RANBP2: variants seen among roughly 807,000 people sequenced by gnomAD.
RANBP2 encodes the protein RAN binding protein 2, also known as E3 SUMO-protein ligase RanBP2.
A neutral mutation model predicts 303.6 loss-of-function variants in RANBP2; 57 were observed. That is an observed-to-expected ratio of 0.19 (90% CI 0.15 to 0.23). The LOEUF (loss-of-function observed/expected upper bound fraction) is 0.23. RANBP2 is among the 10% of genes least tolerant of loss of function. RANBP2 has a pLI of 1.00. For synonymous variants in RANBP2, 1,167 were observed against 1,301.5 expected (o/e 0.90, Z 2.23); for missense variants, 3,138 against 3,780.8 (o/e 0.83, Z 4.46).
the RANBP2 span, among the ~76,000 whole-genome samples, chr2:108,919,097 G>T: frequency 6.6e-6 from 1 of 152,180 alleles, no homozygotes; most frequent in African/African-American, 2.4e-5. Context: ...AGGTCTGAGA[G>T]GCTCTGAGCC....
At chr2:108,804,912 C>A in the RANBP2 span, 1 of 1,558,124 alleles carries the variant, frequency 6.4e-7, no homozygotes, top group East Asian at 2.3e-5. Context: ...AAGTTGAACA[C>A]TTAACCGAAG....
Position 108,755,057 on chromosome 2 carries a change from T to C in RANBP2, c.2355T>C (p.Tyr785=), listed in dbSNP as rs560310411. 13 of 1,611,966 alleles carry C rather than the reference T, an allele frequency of 8.1e-6. No individual in the cohort carries two copies. Among genetic ancestry groups the C allele is most frequent in the East Asian group, 2.2e-5 (1 of 44,846 alleles). Residue 785 remains tyrosine (Y), a synonymous_variant, in exon 16 of 29, where the codon TAT becomes TAC. Coordinates refer to ENST00000283195, the MANE Select transcript of RANBP2 (RefSeq NM_006267.5). Reference sequence around the variant, plus strand: ...ATTCTACACCGTCTCCTACCAGATATTCACTATCACCAAGTAAAAGTTACA... The same window carrying C: ...ATTCTACACCGTCTCCTACCAGATACTCACTATCACCAAGTAAAAGTTACA... ...IKHSTPSPTR[Y]SLSPSKSYKY...
At chr2:109,614,267 T>TGGGC in the RANBP2 span, 1 of 623,092 alleles carries the variant, frequency 1.6e-6, no homozygotes, top group Non-Finnish European at 2.2e-6. Context: ...GGAGCGGAAG[T>TGGGC]GGGCGTGGCC....
At chr2:109,256,709 G>T in the RANBP2 span, among the ~76,000 whole-genome samples, 2 of 152,142 alleles carry the variant, frequency 1.3e-5, no homozygotes, top group Non-Finnish European at 2.9e-5. Context: ...TCTTCCTTGT[G>T]TGGAGTTAAC....
the RANBP2 span, among the ~76,000 whole-genome samples, chr2:109,555,656 A>G: frequency 6.6e-6 from 1 of 152,206 alleles, no homozygotes; most frequent in Non-Finnish European, 1.5e-5. Context: ...GTGATTATCT[A>G]CAGGGCACAT....
chr2:109,167,783 GGATGGTCTTGATCTCCT>G, the RANBP2 span, among the ~76,000 whole-genome samples: 1 of 152,138 alleles, frequency 6.6e-6, no homozygotes, highest in South Asian at 2.1e-4. Flanking sequence ...ATGTTAGCCA[GGATGGTCTTGATCTCCT>G]GACCTTGTGA....
At chr2:109,714,081 TTTTTA>T in the RANBP2 span, among the ~76,000 whole-genome samples, 2 of 152,144 alleles carry the variant, frequency 1.3e-5, no homozygotes, top group African/African-American at 2.4e-5. Flanking sequence ...TGGAGGTTCT[TTTTTA>T]TTTTTTCTTT....
chr2:108,914,121 A>C, the RANBP2 span, among the ~76,000 whole-genome samples: 1 of 151,474 alleles, frequency 6.6e-6, no homozygotes, highest in African/African-American at 2.4e-5. Flanking sequence ...TTAGCCAGGC[A>C]TGATGGCGCA....
chr2:109,390,797 T>C, the RANBP2 span, among the ~76,000 whole-genome samples: 4 of 152,158 alleles, frequency 2.6e-5, no homozygotes, highest in Admixed American at 2.0e-4. Flanking sequence ...CTTCCCGGGC[T>C]ACCCACTATG....
chr2:108,935,145 C>G, the RANBP2 span, among the ~76,000 whole-genome samples: 16 of 152,324 alleles, frequency 1.1e-4, no homozygotes, highest in South Asian at 1.9e-3. Flanking sequence ...CCACTCCTGC[C>G]TGAATTAACA....
the RANBP2 span, among the ~76,000 whole-genome samples, chr2:109,089,630 C>A: frequency 2.6e-4 from 39 of 152,040 alleles, 1 homozygote; most frequent in East Asian, 6.6e-3. Context: ...AACAAAAAAC[C>A]TGGTGGGGAC....
At chr2:109,541,947 T>C in the RANBP2 span, among the ~76,000 whole-genome samples, 1 of 152,348 alleles carries the variant, frequency 6.6e-6, no homozygotes, top group Non-Finnish European at 1.5e-5. Flanking sequence ...ATCCACAATA[T>C]AGTGATAATA....
At chr2:108,860,797 C>T in the RANBP2 span, among the ~76,000 whole-genome samples, 1 of 151,888 alleles carries the variant, frequency 6.6e-6, no homozygotes, top group Non-Finnish European at 1.5e-5. Context: ...ATTTTGGCAT[C>T]AGTATGATAC....
At chr2:109,371,714 C>T in the RANBP2 span, 1 of 1,592,736 alleles carries the variant, frequency 6.3e-7, no homozygotes, top group Middle Eastern at 1.7e-4. Flanking sequence ...CACTTGGCTC[C>T]TTCTTGCCCA....
At chr2:109,367,952 C>T in the RANBP2 span, among the ~76,000 whole-genome samples, 1 of 152,220 alleles carries the variant, frequency 6.6e-6, no homozygotes, top group Non-Finnish European at 1.5e-5. Flanking sequence ...TACTGGCCAC[C>T]ACTGTGAGTT....
chr2:109,146,739 T>C, the RANBP2 span, among the ~76,000 whole-genome samples: 1 of 152,018 alleles, frequency 6.6e-6, no homozygotes, highest in African/African-American at 2.4e-5. Context: ...TCTGAGTATC[T>C]TTTTTTACAA....
chr2:109,128,584 G>A, the RANBP2 span: 7 of 153,184 alleles, frequency 4.6e-5, no homozygotes, highest in African/African-American at 1.7e-4. Context: ...CCGGAACGAA[G>A]CTCCGGGGCT....
chr2:109,192,253 C>T, the RANBP2 span, among the ~76,000 whole-genome samples: 1 of 152,172 alleles, frequency 6.6e-6, no homozygotes, highest in Non-Finnish European at 1.5e-5. Context: ...CTGTCCCTGG[C>T]ACTGCAGCTC....
chr2:109,603,164 T>C, the RANBP2 span, among the ~76,000 whole-genome samples: 1 of 152,146 alleles, frequency 6.6e-6, no homozygotes, highest in Non-Finnish European at 1.5e-5. Flanking sequence ...GGAATCAGTG[T>C]GAAGTCTATC....
Sources: gnomAD v4.1 joint callset for allele counts (sites outside exome capture counted in the v4.1 genomes callset) on GRCh38, gnomAD v4.1.1 for gene constraint, MANE v1.5 for transcripts, NCBI Gene and HGNC (gene_info 2026-07-23, HGNC 2026-07-21) for gene names.